Variants in KIRREL1 observed in about 807,000 individuals in gnomAD.
KIRREL1 encodes the protein kin of IRRE-like protein 1.
A neutral mutation model predicts 83.3 loss-of-function variants in KIRREL1; 25 were observed. That is an observed-to-expected ratio of 0.30 (90% CI 0.22 to 0.42). KIRREL1 has a LOEUF of 0.42. Ranked by LOEUF, KIRREL1 falls within the 10% of genes least tolerant of loss-of-function variation. KIRREL1 has a pLI of 1.00. For missense variants in KIRREL1, 812 were observed against 1,032.3 expected (o/e 0.79, Z 2.92); for synonymous variants, 388 against 410.4 (o/e 0.95, Z 0.66).
intron 1 of KIRREL1, among the ~76,000 whole-genome samples, chr1:158,067,186 G>A (rs997349428): frequency 6.6e-6 from 1 of 152,164 alleles, no homozygotes; most frequent in Non-Finnish European, 1.5e-5. Flanking sequence ...GGGCTGGCAG[G>A]TCGCTTCAGG....
At chr1:158,029,372 T>TGTGTGTGTGTGTGTGC (rs1190966368) in intron 1 of KIRREL1, among the ~76,000 whole-genome samples, 70 of 149,488 alleles carry the variant, frequency 4.7e-4, no homozygotes, top group East Asian at 7.9e-4. Flanking sequence ...TGTGTGCACG[T>TGTGTGTGTGTGTGTGC]GCGCGCGCAT....
chr1:158,041,500 TG>T (rs1660626862), intron 1 of KIRREL1, among the ~76,000 whole-genome samples: 1 of 152,084 alleles, frequency 6.6e-6, no homozygotes, highest in Non-Finnish European at 1.5e-5. Flanking sequence ...CCTCTGAAGG[TG>T]CTGAGGCTTG....
At chr1:158,087,401 A>ATTGTC (rs2101638006) in intron 5 of KIRREL1, among the ~76,000 whole-genome samples, 1 of 152,016 alleles carries the variant, frequency 6.6e-6, no homozygotes, top group East Asian at 1.9e-4. Context: ...TGTGTAATAA[A>ATTGTC]TTGTCTCTCC....
At chr1:158,074,324 C>T (rs1484232463) in intron 1 of KIRREL1, among the ~76,000 whole-genome samples, 2 of 152,148 alleles carry the variant, frequency 1.3e-5, no homozygotes, top group Non-Finnish European at 2.9e-5. Context: ...AAGAGTCTGC[C>T]TCATGCTAGA....
At chr1:158,030,514 G>T (rs929189277) in intron 1 of KIRREL1, among the ~76,000 whole-genome samples, 2 of 152,190 alleles carry the variant, frequency 1.3e-5, no homozygotes, top group Admixed American at 6.5e-5. Flanking sequence ...GGAGTCAGAA[G>T]ATCTGGGTTC....
At position 158,096,878 on chromosome 1, in the gene KIRREL1, C is replaced by T. The variant is rs563264488; in HGVS notation, c.*1758C>T. 1.1e-5 allele frequency: 5 copies of T among 456,732 alleles called. No individual in the cohort carries two copies. Among genetic ancestry groups the T allele is most frequent in the East Asian group, 1.4e-4 (2 of 14,390 alleles). The allele number at this position is 456,732 out of a possible 1,614,324, so 28.3% of individuals were successfully genotyped here. On this transcript the variant is annotated 3_prime_UTR_variant, in exon 15 of 15. Coordinates refer to ENST00000359209, the MANE Select transcript of KIRREL1 (RefSeq NM_018240.7). ...CCCAAAATGTTCCTCGCCCTTTCTC[C>T]GTGGTCACCATTCATAATTCATGTT...
chr1:158,027,237 G>T (rs769223072), intron 1 of KIRREL1, among the ~76,000 whole-genome samples: 18 of 152,212 alleles, frequency 1.2e-4, no homozygotes, highest in Non-Finnish European at 2.5e-4. Context: ...TTTCATAAAA[G>T]GATAGTAGAA....
intron 1 of KIRREL1, among the ~76,000 whole-genome samples, chr1:158,016,118 A>T (rs372380719): frequency 6.6e-6 from 1 of 152,172 alleles, no homozygotes; most frequent in South Asian, 2.1e-4. Context: ...AGCCTGGCCA[A>T]CATGGTGAAA....
Position 158,088,415 on chromosome 1 carries a change from C to A in KIRREL1, c.1005C>A (p.Pro335=), listed in dbSNP as rs1662083995. 6.5e-7 allele frequency: 1 copy of A among 1,526,772 alleles called. No homozygotes were observed. The highest frequency in any genetic ancestry group is 9.1e-7 in the Non-Finnish European group (1 of 1,100,782). 94.6% of individuals were successfully genotyped at this position (1,526,772 alleles called of 1,614,324 possible). ...VTLTCVWVGN[P]PLTLTWTKKD... The stretch of plus-strand genomic sequence containing the variant: ...TTACCTGTGTCTGGGTTGGGAATCC[C>A]CCCCTCACTCTCACCTGGACCAAAA... The change falls in exon 8 of 15, where the codon CCC becomes CCA. Residue 335 remains proline, a synonymous_variant. Coordinates refer to ENST00000359209, the MANE Select transcript of KIRREL1 (RefSeq NM_018240.7).
intron 1 of KIRREL1, among the ~76,000 whole-genome samples, chr1:158,063,527 C>T (rs920773759): frequency 2.6e-5 from 4 of 152,192 alleles, no homozygotes; most frequent in Admixed American, 6.5e-5. Context: ...TATTTGTTAA[C>T]TAATTTGTCT....
At position 158,094,392 on chromosome 1, in the gene KIRREL1, TG is replaced by T; in HGVS notation, c.1797+5del. Reference sequence around the variant, plus strand: ...ACCCGGGAGGAGTATGAGATGAAGGTGGGAAAGGGGGAAGGGGCCAGGGCAT... The same window carrying T: ...ACCCGGGAGGAGTATGAGATGAAGGTGGAAAGGGGGAAGGGGCCAGGGCAT... On this transcript the variant is annotated splice_donor_region_variant and intron_variant, in intron 14 of 14. Coordinates refer to ENST00000359209, the MANE Select transcript of KIRREL1 (RefSeq NM_018240.7). The surrounding 1 kb of genome is among the most constrained non-coding windows in gnomAD (Gnocchi z 4.6). 1.2e-6 allele frequency: 2 copies of T among 1,608,386 alleles called. No individual in the cohort carries two copies. The highest frequency in any genetic ancestry group is 2.2e-5 in the South Asian group (2 of 90,318).
chr1:158,006,447 C>T (rs1343597284), intron 1 of KIRREL1, among the ~76,000 whole-genome samples: 1 of 152,174 alleles, frequency 6.6e-6, no homozygotes, highest in Non-Finnish European at 1.5e-5. Context: ...GGTTTATTTT[C>T]TCATACTTCA....
Position 158,094,879 on chromosome 1 carries a change from C to T in KIRREL1, c.2033C>T (p.Thr678Ile), listed in dbSNP as rs201145714. Residue 678 changes from threonine to isoleucine, a missense_variant, in exon 15 of 15, where the codon ACA becomes ATA. Thr to Ile is a moderately conservative substitution (Grantham distance 89). Transcript: ENST00000359209. The surrounding 1 kb of genome is among the most constrained non-coding windows in gnomAD (Gnocchi z 4.6). Reference sequence around the variant, plus strand: ...CCTGCTGCCCCAGCTGGCACTGACACAACCAGCCAGCTGTCCTACGAGAAC... The same window carrying T: ...CCTGCTGCCCCAGCTGGCACTGACATAACCAGCCAGCTGTCCTACGAGAAC... The part of the protein sequence containing the change: ...PGPAAPAGTD[T>I]TSQLSYENYE... 3.0e-5 allele frequency: 48 copies of T among 1,614,032 alleles called. No homozygotes were observed. Among genetic ancestry groups the T allele is most frequent in the Admixed American group, 2.2e-4 (13 of 60,018 alleles).
chr1:158,094,467 A>T lies in KIRREL1; in HGVS notation c.1797+77A>T. The T allele has an allele frequency of 6.9e-7, 1 of 1,441,704 alleles. No homozygotes were observed. Among genetic ancestry groups the T allele is most frequent in the Non-Finnish European group, 9.7e-7 (1 of 1,029,034 alleles). 89.3% of individuals were successfully genotyped at this position (1,441,704 alleles called of 1,614,324 possible). Reference sequence around the variant, plus strand: ...TCTGAGGTCCTGTAGCGGGGAGGTGAGGTGAGGACAGACTTGGGGAGGAGT... The same window carrying T: ...TCTGAGGTCCTGTAGCGGGGAGGTGTGGTGAGGACAGACTTGGGGAGGAGT... On this transcript the variant is annotated intron_variant, in intron 14 of 14. Coordinates refer to ENST00000359209, the MANE Select transcript of KIRREL1 (RefSeq NM_018240.7). The surrounding 1 kb of genome is among the most constrained non-coding windows in gnomAD (Gnocchi z 4.6).
intron 1 of KIRREL1, among the ~76,000 whole-genome samples, chr1:157,996,040 G>A (rs1659189878): frequency 6.6e-6 from 1 of 150,420 alleles, no homozygotes; most frequent in Non-Finnish European, 1.5e-5. Flanking sequence ...AGAGGAAACG[G>A]AGGGGGGCGC....
chr1:158,025,876 G>C (rs919577747), intron 1 of KIRREL1, among the ~76,000 whole-genome samples: 1 of 151,926 alleles, frequency 6.6e-6, no homozygotes, highest in Non-Finnish European at 1.5e-5. Context: ...GAGGAGGTCA[G>C]GATGTCTGAA....
intron 3 of KIRREL1, among the ~76,000 whole-genome samples, chr1:158,083,628 C>G (rs1661929117): frequency 6.6e-6 from 1 of 152,168 alleles, no homozygotes; most frequent in South Asian, 2.1e-4. Context: ...AGCAGTGTGA[C>G]ATGGAGGTTA....
intron 1 of KIRREL1, among the ~76,000 whole-genome samples, chr1:158,032,050 G>A (rs1372968862): frequency 6.6e-6 from 1 of 151,842 alleles, no homozygotes; most frequent in Non-Finnish European, 1.5e-5. Context: ...CTGCACTCCA[G>A]CCTGGGCAAC....
chr1:158,088,736 G>A (rs1032274840), intron 8 of KIRREL1, among the ~76,000 whole-genome samples: 14 of 151,954 alleles, frequency 9.2e-5, no homozygotes, highest in Non-Finnish European at 7.4e-5. Context: ...CGCCCGCCTC[G>A]GCCTCCCAAA....
Sources: allele counts gnomAD v4.1 joint callset (sites outside exome capture counted in the v4.1 genomes callset), GRCh38; gene constraint gnomAD v4.1.1; non-coding constraint Gnocchi (gnomAD v3.1); transcripts MANE v1.5; gene names NCBI Gene and HGNC (gene_info 2026-07-23, HGNC 2026-07-21).